CCDC175: variants seen among roughly 807,000 people sequenced by gnomAD.
The protein encoded by CCDC175 is coiled-coil domain containing 175.
In CCDC175, 100 loss-of-function variants were observed where a neutral mutation model predicts 114.6. That is an observed-to-expected ratio of 0.87 (90% CI 0.74 to 1.03). CCDC175 has a LOEUF of 1.03. Ranked by LOEUF, CCDC175 falls within the 50% of genes least tolerant of loss-of-function variation. The pLI, the probability that CCDC175 is intolerant of heterozygous loss-of-function variation, is 0.00. For missense variants in CCDC175, 880 were observed against 917.8 expected (o/e 0.96, Z 0.53); for synonymous variants, 306 against 308.7 (o/e 0.99, Z 0.09).
chr14:59,568,225 C>T lies in CCDC175; in HGVS notation c.491+20G>A. 1 of 1,516,990 alleles carries T rather than the reference C, an allele frequency of 6.6e-7. No homozygotes were observed. 94.0% of individuals were successfully genotyped at this position (1,516,990 alleles called of 1,614,324 possible). On this transcript the variant is annotated intron_variant, in intron 4 of 19. Transcript: ENST00000537690. ...CCTCAGACCCCTGCTCCCTCAAATA[C>T]TGAATATAAGAATACCTACCCCAGA...
chr14:59,540,596 G>T (rs1319518190), intron 11 of CCDC175, 79 bp downstream of exon 11: 15 of 1,399,926 alleles, frequency 1.1e-5, no homozygotes, highest in Non-Finnish European at 1.3e-5. Context: ...CAAGTACTCT[G>T]CACTGTTCAT....
intron 11 of CCDC175, 125 bp from the exon 12 acceptor site, chr14:59,538,965 C>T (rs1894586604): frequency 1.3e-6 from 1 of 761,296 alleles, no homozygotes; most frequent in South Asian, 2.1e-5. Context: ...ATTAGTGTTG[C>T]AGACTACACA....
intron 4 of CCDC175, among the ~76,000 whole-genome samples, chr14:59,567,511 G>A (rs922414082): frequency 6.6e-6 from 1 of 152,126 alleles, no homozygotes; most frequent in African/African-American, 2.4e-5. Context: ...CTAACATGCT[G>A]ATATTTATGA....
chr14:59,511,548 T>TAAAAAAAAAAAAAAGAAAAAA (rs1892745110), intron 18 of CCDC175, among the ~76,000 whole-genome samples: 1 of 94,648 alleles, frequency 1.1e-5, no homozygotes, highest in Non-Finnish European at 2.0e-5. Flanking sequence ...TGATATTTGG[T>TAAAAAAAAAAAAAAGAAAAAA]AAAAAAAAAA....
chr14:59,525,413 G>C lies in CCDC175; in HGVS notation c.1864C>G (p.Gln622Glu). The change falls in exon 16 of 20, where the codon CAA becomes GAA. Residue 622 changes from glutamine (Q) to glutamate (E), a missense_variant. Physicochemically the swap from Gln to Glu is conservative, Grantham distance 29 (BLOSUM62 2). Coordinates refer to ENST00000537690, the MANE Select transcript of CCDC175 (RefSeq NM_001164399.2). ...SNMEDVKQEL[Q>E]QLRDQESKKN... The stretch of plus-strand genomic sequence containing the variant: ...TTGCTTTCTTGATCTCGTAATTGTT[G>C]TAATTCTTGTTTTACATCTTCCTGC... 2.0e-6 allele frequency: 3 copies of C among 1,511,964 alleles called. No homozygotes were observed. The highest frequency in any genetic ancestry group is 1.3e-5 in the South Asian group (1 of 79,218). 93.7% of individuals were successfully genotyped at this position (1,511,964 alleles called of 1,614,324 possible).
At position 59,516,718 on chromosome 14, in the gene CCDC175, C is replaced by A. The variant is rs977141327; in HGVS notation, c.2098+4856G>T. Among the ~76,000 whole-genome samples the A allele has an allele frequency of 2.4e-3, 369 of 152,106 alleles. 1 individual carries two copies. The highest frequency in any genetic ancestry group is 7.6e-3 in the African/African-American group (316 of 41,484). On this transcript the variant is annotated intron_variant, in intron 17 of 19. Transcript: ENST00000537690. ...AAAAAGTCCAGGACCAGATGGATTCCCAGCCGAATTCTACCAGAGGTACAA... is the reference window on the plus strand; with the variant it reads ...AAAAAGTCCAGGACCAGATGGATTCACAGCCGAATTCTACCAGAGGTACAA...
intron 16 of CCDC175, among the ~76,000 whole-genome samples, chr14:59,524,940 G>A (rs1000067467): frequency 5.3e-5 from 8 of 152,124 alleles, no homozygotes; most frequent in Non-Finnish European, 2.9e-5. Context: ...ATAATGTTGA[G>A]CAAAAGAACC....
Position 59,576,663 on chromosome 14 carries a change from C to A in CCDC175, c.113G>T (p.Gly38Val), listed in dbSNP as rs1332052998. Residue 38 changes from glycine to valine, a missense_variant, in exon 1 of 20, where the codon GGC becomes GTC. Gly to Val is a moderately radical substitution (Grantham distance 109). Coordinates refer to ENST00000537690, the MANE Select transcript of CCDC175 (RefSeq NM_001164399.2). ...CAGCGCCTCGACCGCGACCGAGGAGCCCAGGGTGGAGGGTAAGGTGCATAA... is the reference window on the plus strand; with the variant it reads ...CAGCGCCTCGACCGCGACCGAGGAGACCAGGGTGGAGGGTAAGGTGCATAA... ...LELCTLPSTL[G>V]SSVAVEALEQ... 1 of 1,481,372 alleles carries A rather than the reference C, an allele frequency of 6.8e-7. No individual in the cohort carries two copies. The highest frequency in any genetic ancestry group is 2.4e-5 in the Admixed American group (1 of 41,158). The allele number at this position is 1,481,372 out of a possible 1,614,324, so 91.8% of individuals were successfully genotyped here.
At chr14:59,538,403 A>G (rs1566613110) in intron 12 of CCDC175, among the ~76,000 whole-genome samples, 1 of 152,222 alleles carries the variant, frequency 6.6e-6, no homozygotes, top group Non-Finnish European at 1.5e-5. Flanking sequence ...GAGGGTAACT[A>G]TAAAAGCTTA....
rs116568760 is a variant in CCDC175 at position 59,513,888 on chromosome 14, C to T, written c.2099-2085G>A. Among the ~76,000 whole-genome samples, 982 of 152,288 alleles carry T rather than the reference C, an allele frequency of 6.4e-3. 9 individuals carry two copies. Among genetic ancestry groups the T allele is most frequent in the African/African-American group, 0.022 (931 of 41,558 alleles). The stretch of plus-strand genomic sequence containing the variant: ...GCCTCCTCAAGCACGTCCTTGACCC[C>T]CGAGTAGCGTAACTGGGAGGCACCT... On this transcript the variant is annotated intron_variant, in intron 17 of 19. Transcript: ENST00000537690.
chr14:59,550,279 G>A (rs906408088), intron 8 of CCDC175, among the ~76,000 whole-genome samples: 13 of 151,898 alleles, frequency 8.6e-5, no homozygotes, highest in Non-Finnish European at 1.9e-4. Context: ...ATTTAACCAA[G>A]GCCTTTTGGT....
At chr14:59,551,563 T>A in intron 7 of CCDC175, 127 bp from the exon 8 acceptor site, 1 of 500,720 alleles carries the variant, frequency 2.0e-6, no homozygotes, top group Non-Finnish European at 3.5e-6. Flanking sequence ...ATGGGTGATT[T>A]CTGCATTTCC....
rs550225013 is a variant in CCDC175 at position 59,528,512 on chromosome 14, A to G, written c.1763-1338T>C. Reference sequence around the variant, plus strand: ...AGTTTCTACTTACTTCGTCATATATAGTAGAGGAGATTTTAGCATGCTTAC... The same window carrying G: ...AGTTTCTACTTACTTCGTCATATATGGTAGAGGAGATTTTAGCATGCTTAC... On this transcript the variant is annotated intron_variant, in intron 14 of 19. Coordinates refer to ENST00000537690, the MANE Select transcript of CCDC175 (RefSeq NM_001164399.2). Among the ~76,000 whole-genome samples, 4 of 152,188 alleles carry G rather than the reference A, an allele frequency of 2.6e-5. No homozygotes were observed. The South Asian group carries it at 6.2e-4, about 24-fold the overall frequency.
chr14:59,535,753 C>T (rs986358262), intron 13 of CCDC175, among the ~76,000 whole-genome samples: 2 of 152,266 alleles, frequency 1.3e-5, no homozygotes, highest in Non-Finnish European at 2.9e-5. Flanking sequence ...GGACAAAGTA[C>T]TTATGATGGC....
chr14:59,555,180 A>G (rs921162544), intron 7 of CCDC175, among the ~76,000 whole-genome samples: 3 of 152,212 alleles, frequency 2.0e-5, no homozygotes, highest in Non-Finnish European at 4.4e-5. Context: ...ATTTTAGACC[A>G]ATATCCCTGA....
At chr14:59,558,424 T>G (rs556333832) in intron 7 of CCDC175, among the ~76,000 whole-genome samples, 8 of 152,296 alleles carry the variant, frequency 5.3e-5, no homozygotes, top group African/African-American at 1.9e-4. Flanking sequence ...CTGTTCAGGC[T>G]AAAGCTACAG....
intron 13 of CCDC175, among the ~76,000 whole-genome samples, chr14:59,536,005 G>C (rs1327913095): frequency 6.6e-6 from 1 of 152,192 alleles, no homozygotes; most frequent in African/African-American, 2.4e-5. Flanking sequence ...GGCAATCCTT[G>C]CTCCAGAGCT....
At chr14:59,567,026 C>T (rs1896591580) in intron 4 of CCDC175, among the ~76,000 whole-genome samples, 1 of 152,168 alleles carries the variant, frequency 6.6e-6, no homozygotes, top group South Asian at 2.1e-4. Flanking sequence ...GAAGCAAGTC[C>T]CAGTAATTTG....
At chr14:59,510,940 T>A (rs4901933) in intron 18 of CCDC175, 132 bp from the exon 19 acceptor site, 306,902 of 744,570 alleles carry the variant, frequency 0.41, 66,518 homozygotes, top group African/African-American at 0.61. Flanking sequence ...AAATAAGTGC[T>A]TGTGTACACA....
Sources: gnomAD v4.1 joint callset for allele counts (sites outside exome capture counted in the v4.1 genomes callset) on GRCh38, gnomAD v4.1.1 for gene constraint, MANE v1.5 for transcripts, NCBI Gene and HGNC (gene_info 2026-07-23, HGNC 2026-07-21) for gene names.